Variants in PCDH19 observed in about 807,000 individuals in gnomAD.
The protein encoded by PCDH19 is protocadherin-19.
A neutral mutation model predicts 46.2 loss-of-function variants in PCDH19; 6 were observed. The observed-to-expected ratio is 0.13, with a 90% CI of 0.07 to 0.26. PCDH19 has a LOEUF of 0.26. Ranked by LOEUF, PCDH19 falls within the 10% of genes least tolerant of loss-of-function variation. PCDH19 has a pLI of 1.00. For synonymous variants in PCDH19, 481 were observed against 415.7 expected (o/e 1.16, Z -1.91); for missense variants, 740 against 972.3 (o/e 0.76, Z 3.18).
In PCDH19 at chrX:100,295,966, G is replaced by T; in HGVS notation, c.*311C>A. On this transcript the variant is annotated 3_prime_UTR_variant, in exon 6 of 6. Transcript: ENST00000373034. ...CAATGGTAATTTATATTATAATTTT[G>T]ACATAGAAAAATATATAAATTCAAA... The T allele has an allele frequency of 4.8e-5, 11 of 228,440 alleles. No individual in the cohort carries two copies. The highest frequency in any genetic ancestry group is 7.5e-5 in the East Asian group (1 of 13,410). 18.8% of individuals were successfully genotyped at this position (228,440 alleles called of 1,213,427 possible).
intron 3 of PCDH19, among the ~76,000 whole-genome samples, chrX:100,382,813 C>T (rs755056993): frequency 1.2e-4 from 14 of 112,180 alleles, no homozygotes; most frequent in South Asian, 1.1e-3. Context: ...ATCTAGCTAA[C>T]TCTGATTCAC....
At position 100,292,225 on chromosome X, in the gene PCDH19, T is replaced by TA. The variant is rs1396013977; in HGVS notation, c.*4051_*4052insT. ...ATCTACTTAACCAGTGCTGTAATGGTGTTAGCTGGTTTGTTTGCTAAGGTT... is the reference window on the plus strand; with the variant it reads ...ATCTACTTAACCAGTGCTGTAATGGTAGTTAGCTGGTTTGTTTGCTAAGGTT... On this transcript the variant is annotated 3_prime_UTR_variant, in exon 6 of 6. Transcript: ENST00000373034. The TA allele has an allele frequency of 8.9e-6, 1 of 112,960 alleles. No homozygotes were observed. The highest frequency in any genetic ancestry group is 1.9e-5 in the Non-Finnish European group (1 of 53,333). 9.3% of individuals were successfully genotyped at this position (112,960 alleles called of 1,213,427 possible). A position where few individuals can be genotyped will look rare whatever the true frequency, so the allele number is the denominator to read the frequency against.
chrX:100,400,624 C>G (rs1404415473), intron 3 of PCDH19, among the ~76,000 whole-genome samples: 1 of 112,377 alleles, frequency 8.9e-6, no homozygotes, highest in Non-Finnish European at 1.9e-5. Flanking sequence ...CTGAGTTTAC[C>G]TAGCACAATA....
At chrX:100,356,467 TAATA>T (rs1926717684) in intron 3 of PCDH19, among the ~76,000 whole-genome samples, 2 of 111,571 alleles carry the variant, frequency 1.8e-5, no homozygotes, top group African/African-American at 3.3e-5. Flanking sequence ...GGAAATGAGA[TAATA>T]AATAGTTTTT....
At chrX:100,325,881 T>C (rs1925680408) in intron 5 of PCDH19, among the ~76,000 whole-genome samples, 1 of 112,206 alleles carries the variant, frequency 8.9e-6, no homozygotes, top group Non-Finnish European at 1.9e-5. Flanking sequence ...CACAGTTCTA[T>C]GTGTGTACAT....
intron 3 of PCDH19, among the ~76,000 whole-genome samples, chrX:100,397,707 T>A (rs949494678): frequency 8.9e-6 from 1 of 111,815 alleles, no homozygotes; most frequent in Non-Finnish European, 1.9e-5. Context: ...AAGCAATGAG[T>A]TGCATTTTCT....
In PCDH19 at chrX:100,309,158, A is replaced by ACACACACACATG. The variant is rs1925048846; in HGVS notation, c.2849-12284_2849-12283insCATGTGTGTGTG. Among the ~76,000 whole-genome samples the ACACACACACATG allele has an allele frequency of 4.9e-5, 3 of 61,166 alleles. No homozygotes were observed. The Admixed American group carries it at 4.9e-4, about 10-fold the overall frequency. The allele number at this position is 61,166 out of a possible 115,157, so 53.1% of individuals were successfully genotyped here. A position where few individuals can be genotyped will look rare whatever the true frequency, so the allele number is the denominator to read the frequency against. ...GATACAGAAAATGTGATGCATGCACACACACACACACACACACACACACCA... is the reference window on the plus strand; with the variant it reads ...GATACAGAAAATGTGATGCATGCACACACACACACATGCACACACACACACACACACACACCA... On this transcript the variant is annotated intron_variant, in intron 5 of 5. Transcript: ENST00000373034.
chrX:100,408,136 G>A lies in PCDH19; in HGVS notation c.462C>T (p.Tyr154=). ...PGTRIPLDSA[Y]DPDSGSFGVQ... ...CGCCAAAGCTTCCTGAGTCTGGATCGTAAGCGCTGTCCAGCGGGATGCGCG... is the reference window on the plus strand; with the variant it reads ...CGCCAAAGCTTCCTGAGTCTGGATCATAAGCGCTGTCCAGCGGGATGCGCG... The change falls in exon 1 of 6, where the codon TAC becomes TAT. Residue 154 remains tyrosine, a synonymous_variant. Coordinates refer to ENST00000373034, the MANE Select transcript of PCDH19 (RefSeq NM_001184880.2). 1 of 1,211,483 alleles carries A rather than the reference G, an allele frequency of 8.3e-7. No individual in the cohort carries two copies. The highest frequency in any genetic ancestry group is 1.1e-6 in the Non-Finnish European group (1 of 895,614).
At position 100,410,010 on chromosome X, in the gene PCDH19, G is replaced by A. The variant is rs1306221314; in HGVS notation, c.-1413C>T. ...TGAGTGTGTGGTGTGGGGAGTGTGA[G>A]TGTGGAGTATGAGCAAGCAGGAGGC... On this transcript the variant is annotated 5_prime_UTR_variant, in exon 1 of 6. Transcript: ENST00000373034. 1 of 295,131 alleles carries A rather than the reference G, an allele frequency of 3.4e-6. No homozygotes were observed. Among genetic ancestry groups the A allele is most frequent in the Non-Finnish European group, 5.9e-6 (1 of 170,747 alleles). The allele number at this position is 295,131 out of a possible 1,213,427, so 24.3% of individuals were successfully genotyped here. A position where few individuals can be genotyped will look rare whatever the true frequency, so the allele number is the denominator to read the frequency against.
At chrX:100,359,563 T>A (rs1013307777) in intron 3 of PCDH19, among the ~76,000 whole-genome samples, 4 of 111,011 alleles carry the variant, frequency 3.6e-5, no homozygotes, top group African/African-American at 6.6e-5. Flanking sequence ...GTAAAGCTGG[T>A]CAAACTGACA....
chrX:100,330,861 T>G (rs1389151937), intron 5 of PCDH19, among the ~76,000 whole-genome samples: 1 of 112,255 alleles, frequency 8.9e-6, no homozygotes, highest in Non-Finnish European at 1.9e-5. Context: ...TATTTCAAAT[T>G]TAATAGCTTG....
rs746205873 is a variant in PCDH19, at chrX:100,299,324, C to A, written c.2849-2449G>T. Among the ~76,000 whole-genome samples the A allele has an allele frequency of 3.6e-5, 4 of 112,130 alleles. No homozygotes were observed. In the South Asian group the frequency reaches 1.5e-3, roughly 42 times the overall value. On this transcript the variant is annotated intron_variant, in intron 5 of 5. Transcript: ENST00000373034. ...AGCAGTAGTGAAGTACAATTGAGTA[C>A]CATCTGCCCAATGTCTTCAACACGA...
intron 5 of PCDH19, among the ~76,000 whole-genome samples, chrX:100,303,525 T>G (rs956900708): frequency 4.5e-5 from 5 of 110,541 alleles, no homozygotes; most frequent in Non-Finnish European, 7.6e-5. Context: ...TTGCAGGGGG[T>G]TTACAGTCGT....
At chrX:100,332,405 C>T (rs1925898708) in intron 5 of PCDH19, among the ~76,000 whole-genome samples, 1 of 108,968 alleles carries the variant, frequency 9.2e-6, no homozygotes, top group African/African-American at 3.4e-5. Context: ...GCCTGTAATC[C>T]CAGCTACTCA....
intron 5 of PCDH19, among the ~76,000 whole-genome samples, chrX:100,333,009 A>G (rs771681623): frequency 9.4e-6 from 1 of 106,114 alleles, no homozygotes; most frequent in Non-Finnish European, 1.9e-5. Context: ...TCAAAAAAAG[A>G]AAAGAAAGAA....
intron 3 of PCDH19, among the ~76,000 whole-genome samples, chrX:100,385,669 C>T (rs1359995463): frequency 1.8e-5 from 2 of 111,664 alleles, no homozygotes; most frequent in East Asian, 2.8e-4. Flanking sequence ...CCGAGGCAGG[C>T]GGATCACTTG....
intron 5 of PCDH19, among the ~76,000 whole-genome samples, chrX:100,334,218 C>G (rs1430093225): frequency 9.0e-6 from 1 of 110,989 alleles, no homozygotes; most frequent in Non-Finnish European, 1.9e-5. Flanking sequence ...AGTAAGAAAG[C>G]AAGCATAAAT....
intron 3 of PCDH19, among the ~76,000 whole-genome samples, chrX:100,379,326 CACACACACACACACACACACA>C (rs1927476548): frequency 4.6e-4 from 2 of 4,390 alleles, no homozygotes; most frequent in Non-Finnish European, 0.024. Context: ...CACACACACA[CACACACACACACACACACACA>C]CATTTCCTCC....
chrX:100,339,032 C>T lies in PCDH19; in HGVS notation c.2848+2871G>A, dbSNP rs972072922. 8.9e-5 allele frequency among the ~76,000 whole-genome samples: 10 copies of T among 112,309 alleles called. 1 individual carries two copies. The highest frequency in any genetic ancestry group is 6.6e-4 in the Admixed American group (7 of 10,628). ...CAGAGAGAACTACAGACATGGAATA[C>T]AAGGTGAGCCAAACTCCCCAAAACA... On this transcript the variant is annotated intron_variant, in intron 5 of 5. Transcript: ENST00000373034.
Sources: gnomAD v4.1 joint callset for allele counts (sites outside exome capture counted in the v4.1 genomes callset) on GRCh38, gnomAD v4.1.1 for gene constraint, MANE v1.5 for transcripts, NCBI Gene and HGNC (gene_info 2026-07-23, HGNC 2026-07-21) for gene names.